PAK1: variants seen among roughly 807,000 people sequenced by gnomAD.
PAK1 encodes p21 (RAC1) activated kinase 1.
PAK1 carries 29 observed loss-of-function variants against 67.4 expected under a neutral mutation model. The observed-to-expected ratio is 0.43, with a 90% CI of 0.32 to 0.59. PAK1 has a LOEUF of 0.59. Among genes scored for constraint, PAK1 ranks in the 20% least tolerant of loss-of-function variants. The pLI is 0.07. For missense variants in PAK1, 337 were observed against 670.7 expected (o/e 0.50, Z 5.50); for synonymous variants, 223 against 237.4 (o/e 0.94, Z 0.56).
rs1216830808 is a variant in PAK1, at chr11:77,375,077, T to C, written c.440-712A>G. Among the ~76,000 whole-genome samples the C allele has an allele frequency of 4.6e-5, 7 of 152,222 alleles. No homozygotes were observed. The East Asian group carries it at 1.3e-3, about 29-fold the overall frequency. The stretch of plus-strand genomic sequence containing the variant: ...TGATAAGAATTTTTCAACTCCCTTA[T>C]AATATTAATTATCAGACCACCATTG... On this transcript the variant is annotated intron_variant, in intron 4 of 14. Coordinates refer to ENST00000356341, the MANE Select transcript of PAK1 (RefSeq NM_002576.5).
chr11:77,488,398 CA>C, the PAK1 span, among the ~76,000 whole-genome samples: 1 of 152,144 alleles, frequency 6.6e-6, no homozygotes, highest in Non-Finnish European at 1.5e-5. Context: ...TGGACATCCA[CA>C]AGCATCAAGA....
intron 1 of PAK1, among the ~76,000 whole-genome samples, chr11:77,421,803 G>A (rs1308671432): frequency 6.6e-6 from 1 of 152,204 alleles, no homozygotes; most frequent in African/African-American, 2.4e-5. Context: ...AGAGACAGGG[G>A]AAGGGAGGAA....
intron 1 of PAK1, among the ~76,000 whole-genome samples, chr11:77,463,051 G>A (rs901478544): frequency 2.6e-5 from 4 of 151,926 alleles, no homozygotes; most frequent in Non-Finnish European, 5.9e-5. Context: ...TTCTCTTGAA[G>A]GTGCCAAGCC....
intron 8 of PAK1, among the ~76,000 whole-genome samples, chr11:77,349,899 A>G (rs546313758): frequency 2.6e-5 from 4 of 152,240 alleles, no homozygotes; most frequent in Admixed American, 2.6e-4. Context: ...TCAAAAAGGA[A>G]TATGGACTTC....
upstream of PAK1, among the ~76,000 whole-genome samples, chr11:77,479,083 TC>T (rs1396903228): frequency 9.8e-5 from 11 of 112,580 alleles, 1 homozygote; most frequent in Non-Finnish European, 1.6e-4. Context: ...AGACTCCGTC[TC>T]AAAAAAAAAA....
intron 1 of PAK1, among the ~76,000 whole-genome samples, chr11:77,441,651 A>G (rs1239372311): frequency 6.6e-6 from 1 of 152,242 alleles, no homozygotes; most frequent in Non-Finnish European, 1.5e-5. Flanking sequence ...CAGAGAGAGA[A>G]CATGACTTAG....
At chr11:77,372,147 T>C (rs961071455) in intron 5 of PAK1, among the ~76,000 whole-genome samples, 1 of 152,228 alleles carries the variant, frequency 6.6e-6, no homozygotes, top group Admixed American at 6.5e-5. Flanking sequence ...GCACTCAATA[T>C]TGATAGCTAT....
chr11:77,469,461 T>G (rs1016089962), intron 1 of PAK1, among the ~76,000 whole-genome samples: 2 of 152,204 alleles, frequency 1.3e-5, no homozygotes, highest in African/African-American at 4.8e-5. Flanking sequence ...CAAAGATTCC[T>G]TTATAGTCAT....
At chr11:77,529,732 G>T in the PAK1 span, among the ~76,000 whole-genome samples, 14 of 152,202 alleles carry the variant, frequency 9.2e-5, no homozygotes, top group Admixed American at 9.2e-4. Flanking sequence ...AGTTTTGAAG[G>T]ATGAGCAGAA....
chr11:77,339,242 T>C (rs1422498709), intron 11 of PAK1, among the ~76,000 whole-genome samples: 2 of 152,100 alleles, frequency 1.3e-5, no homozygotes, highest in African/African-American at 4.8e-5. Context: ...TTTTACAGAT[T>C]AATAATGAGG....
At chr11:77,345,324 G>C (rs976450686) in intron 9 of PAK1, among the ~76,000 whole-genome samples, 15 of 106,136 alleles carry the variant, frequency 1.4e-4, no homozygotes, top group African/African-American at 5.6e-4. Context: ...AAAGTACTTT[G>C]TTTTTAAATA....
intron 14 of PAK1, among the ~76,000 whole-genome samples, chr11:77,325,643 T>G (rs181416258): frequency 4.6e-5 from 7 of 152,310 alleles, no homozygotes; most frequent in African/African-American, 1.4e-4. Flanking sequence ...CATTTCCCAG[T>G]GCCCACAGTT....
rs567411380 is a variant in PAK1, at chr11:77,417,756, C to T, written c.-21-25215G>A. 5.5e-5 allele frequency among the ~76,000 whole-genome samples: 8 copies of T among 146,396 alleles called. No individual in the cohort carries two copies. In the East Asian group the frequency reaches 1.6e-3, roughly 29 times the overall value. ...TTCTTTTCTTTTTTTTTTTTTGAGA[C>T]AGAGTTTCACTCCTGTTGCCCAGGC... On this transcript the variant is annotated intron_variant, in intron 1 of 14. Transcript: ENST00000356341.
intron 1 of PAK1, among the ~76,000 whole-genome samples, chr11:77,416,876 C>A (rs1003674952): frequency 1.3e-5 from 2 of 152,046 alleles, no homozygotes; most frequent in Admixed American, 1.3e-4. Context: ...TGGTGTGAAA[C>A]CAGGAGGCGG....
intron 1 of PAK1, among the ~76,000 whole-genome samples, chr11:77,434,682 G>A (rs1454102043): frequency 2.6e-5 from 4 of 152,076 alleles, no homozygotes; most frequent in African/African-American, 9.6e-5. Flanking sequence ...GCAGTAGCAT[G>A]ATGTCTGCTC....
intron 1 of PAK1, among the ~76,000 whole-genome samples, chr11:77,430,403 G>A (rs1333218399): frequency 6.6e-6 from 1 of 152,022 alleles, no homozygotes; most frequent in Non-Finnish European, 1.5e-5. Context: ...TCCCATTTTG[G>A]CCCAGTCCTA....
At chr11:77,419,595 G>A (rs560858077) in intron 1 of PAK1, among the ~76,000 whole-genome samples, 1 of 152,294 alleles carries the variant, frequency 6.6e-6, no homozygotes, top group Admixed American at 6.5e-5. Flanking sequence ...TATAACTGAT[G>A]ACTAGTGTGA....
intron 14 of PAK1, among the ~76,000 whole-genome samples, chr11:77,326,354 A>G (rs17135547): frequency 0.031 from 4,726 of 152,270 alleles, 130 homozygotes; most frequent in African/African-American, 0.076. Context: ...TCCAATGAAT[A>G]AAGTGTAAAG....
rs115549529 is a variant in PAK1 at position 77,326,684 on chromosome 11, C to G, written c.1552-3324G>C. On this transcript the variant is annotated intron_variant, in intron 14 of 14. Transcript: ENST00000356341. ...TGGGCAACAGAGAGAGATCCTGTCTCGAAAAAACAGAGCAGAAAAACTGGA... is the reference window on the plus strand; with the variant it reads ...TGGGCAACAGAGAGAGATCCTGTCTGGAAAAAACAGAGCAGAAAAACTGGA... 6.5e-3 allele frequency among the ~76,000 whole-genome samples: 983 copies of G among 152,010 alleles called. 12 individuals are homozygous for G. The highest frequency in any genetic ancestry group is 0.023 in the African/African-American group (952 of 41,476).
Sources: gnomAD v4.1 joint callset for allele counts (sites outside exome capture counted in the v4.1 genomes callset) on GRCh38, gnomAD v4.1.1 for gene constraint, MANE v1.5 for transcripts, NCBI Gene and HGNC (gene_info 2026-07-23, HGNC 2026-07-21) for gene names.